The following KCNH7 variants were observed in gnomAD, a reference collection of about 807,000 sequenced individuals.
The protein encoded by KCNH7 is voltage-gated inwardly rectifying potassium channel KCNH7.
A neutral mutation model predicts 120.8 loss-of-function variants in KCNH7; 49 were observed. The observed-to-expected ratio is 0.41, with a 90% confidence interval of 0.32 to 0.51. The LOEUF is 0.51. KCNH7 is among the 20% of genes least tolerant of loss of function. The pLI is 0.38. For synonymous variants in KCNH7, 547 were observed against 516.1 expected (o/e 1.06, Z -0.81); for missense variants, 1,097 against 1,446.6 (o/e 0.76, Z 3.92).
chr2:162,373,758 A>G, intron 14 of KCNH7, 96 bp from the exon 15 acceptor site: 1 of 748,346 alleles, frequency 1.3e-6, no homozygotes, highest in Non-Finnish European at 2.0e-6. Context: ...AAACAGAATT[A>G]TGGCCTTGCT....
In KCNH7 at chr2:162,549,613, CAGA is replaced by C. The variant is rs1417281171; in HGVS notation, c.308-12536_308-12534del. Among the ~76,000 whole-genome samples the C allele has an allele frequency of 3.9e-5, 6 of 152,056 alleles. No individual in the cohort carries two copies. The East Asian group carries it at 1.2e-3, about 29-fold the overall frequency. The stretch of plus-strand genomic sequence containing the variant: ...ACTTTTTATAATCCCTCAAATCGTA[CAGA>C]AGAACTGAAAAAAATAGAATGAACA... On this transcript the variant is annotated intron_variant, in intron 2 of 15. Coordinates refer to ENST00000332142, the MANE Select transcript of KCNH7 (RefSeq NM_033272.4).
At chr2:162,516,691 C>T (rs1691309384) in intron 4 of KCNH7, among the ~76,000 whole-genome samples, 1 of 151,724 alleles carries the variant, frequency 6.6e-6, no homozygotes. Context: ...ATGCCAGGAA[C>T]TTTGATTCTT....
At chr2:162,384,509 T>C (rs1379726211) in intron 13 of KCNH7, among the ~76,000 whole-genome samples, 179 bp downstream of exon 13, 1 of 151,968 alleles carries the variant, frequency 6.6e-6, no homozygotes, top group African/African-American at 2.4e-5. Flanking sequence ...TAATTACCAC[T>C]TGTTTTAGAA....
intron 2 of KCNH7, among the ~76,000 whole-genome samples, chr2:162,586,527 C>T (rs1181687112): frequency 6.6e-6 from 1 of 151,990 alleles, no homozygotes; most frequent in Non-Finnish European, 1.5e-5. Flanking sequence ...CCAGGGTTAC[C>T]CAGCTGATCA....
intron 2 of KCNH7, among the ~76,000 whole-genome samples, chr2:162,757,588 G>A (rs1688829641): frequency 1.3e-5 from 2 of 152,096 alleles, no homozygotes; most frequent in South Asian, 4.1e-4. Flanking sequence ...TGACCACAAA[G>A]ATATCTCAGT....
At chr2:162,765,708 A>C (rs1160042940) in intron 2 of KCNH7, among the ~76,000 whole-genome samples, 1 of 152,242 alleles carries the variant, frequency 6.6e-6, no homozygotes, top group Non-Finnish European at 1.5e-5. Context: ...AAAATACAAT[A>C]AATGAATGAA....
chr2:162,788,095 C>T (rs1029327390), intron 2 of KCNH7, among the ~76,000 whole-genome samples: 7 of 151,902 alleles, frequency 4.6e-5, no homozygotes, highest in East Asian at 1.9e-4. Context: ...GGAATCATGA[C>T]ACCAACAAAG....
At chr2:162,399,762 A>G (rs1207599306) in intron 10 of KCNH7, among the ~76,000 whole-genome samples, 1 of 151,888 alleles carries the variant, frequency 6.6e-6, no homozygotes, top group Non-Finnish European at 1.5e-5. Flanking sequence ...GAATAAATGA[A>G]ATTCATCAAA....
chr2:162,781,948 A>G (rs1285825972), intron 2 of KCNH7, among the ~76,000 whole-genome samples: 1 of 152,218 alleles, frequency 6.6e-6, no homozygotes, highest in Non-Finnish European at 1.5e-5. Flanking sequence ...CACTGGTGAG[A>G]TGAAAATCAC....
intron 2 of KCNH7, among the ~76,000 whole-genome samples, chr2:162,539,269 C>A (rs773903583): frequency 3.3e-5 from 5 of 152,056 alleles, no homozygotes; most frequent in Admixed American, 6.6e-5. Flanking sequence ...TATGTACTTT[C>A]CTAATGAACC....
At chr2:162,810,444 G>A (rs911265930) in intron 2 of KCNH7, among the ~76,000 whole-genome samples, 4 of 152,080 alleles carry the variant, frequency 2.6e-5, no homozygotes, top group African/African-American at 9.7e-5. Context: ...TCACATCATA[G>A]GATACATGCA....
chr2:162,560,789 G>A (rs10439292), intron 2 of KCNH7, among the ~76,000 whole-genome samples: 96,181 of 151,798 alleles, frequency 0.63, 32,015 homozygotes, highest in African/African-American at 0.84. Flanking sequence ...AATAAATATA[G>A]TTTTATTACT....
intron 6 of KCNH7, among the ~76,000 whole-genome samples, chr2:162,480,483 C>G (rs1689894996): frequency 6.6e-6 from 1 of 152,156 alleles, no homozygotes; most frequent in African/African-American, 2.4e-5. Context: ...CCTGCCATCC[C>G]TCACCTTCCT....
chr2:162,404,428 C>T (rs1372187169), intron 9 of KCNH7, among the ~76,000 whole-genome samples: 3 of 151,840 alleles, frequency 2.0e-5, no homozygotes, highest in Non-Finnish European at 4.4e-5. Flanking sequence ...TTGTCCCATC[C>T]ATCTCATGTT....
At chr2:162,659,743 G>T (rs2105275555) in intron 2 of KCNH7, among the ~76,000 whole-genome samples, 1 of 152,102 alleles carries the variant, frequency 6.6e-6, no homozygotes, top group Admixed American at 6.5e-5. Flanking sequence ...TTGGTCTCTA[G>T]TTTTTTTTCT....
At chr2:162,723,217 A>C (rs528048421) in intron 2 of KCNH7, among the ~76,000 whole-genome samples, 20 of 151,992 alleles carry the variant, frequency 1.3e-4, no homozygotes, top group Admixed American at 7.9e-4. Flanking sequence ...ATATTGTTAC[A>C]TGCATATTAG....
Position 162,446,021 on chromosome 2 carries a change from A to C in KCNH7, c.1551T>G (p.Asp517Glu). 6.2e-7 allele frequency: 1 copy of C among 1,611,634 alleles called. No individual in the cohort carries two copies. Residue 517 changes from aspartate (D) to glutamate (E), a missense_variant, in exon 7 of 16, where the codon GAT becomes GAG. Transcript: ENST00000332142. ...FDLLIFGSGS[D>E]ETTTLIGLLK... ...AAGAATCTTAAGCAGTTCTTACCTC[A>C]TCAGAACCTGATCCAAAAATCAGCA... is the stretch of plus-strand genomic sequence containing the variant.
At chr2:162,426,896 C>T (rs1219728058) in intron 8 of KCNH7, among the ~76,000 whole-genome samples, 1 of 151,948 alleles carries the variant, frequency 6.6e-6, no homozygotes, top group Admixed American at 6.6e-5. Flanking sequence ...CTTAGACAAC[C>T]ACCGAGCTCC....
intron 2 of KCNH7, among the ~76,000 whole-genome samples, chr2:162,798,873 G>A (rs919509205): frequency 2.0e-5 from 3 of 151,950 alleles, no homozygotes; most frequent in Admixed American, 2.0e-4. Flanking sequence ...CCTATAAAGA[G>A]TTCCCAATTC....
Sources: allele counts gnomAD v4.1 joint callset (sites outside exome capture counted in the v4.1 genomes callset), GRCh38; gene constraint gnomAD v4.1.1; transcripts MANE v1.5; gene names NCBI Gene and HGNC (gene_info 2026-07-23, HGNC 2026-07-21).